The following GALNT5 variants were observed in gnomAD, a reference collection of about 807,000 sequenced individuals.
GALNT5 encodes UDP-GalNAc:polypeptide N-acetylgalactosaminyltransferase 5.
In GALNT5, 72 loss-of-function variants were observed where a neutral mutation model predicts 85.4. The observed-to-expected ratio is 0.84, with a 90% CI of 0.70 to 1.03. The LOEUF (loss-of-function observed/expected upper bound fraction) is 1.03, where lower values mean the gene tolerates loss of function less well. Among genes scored for constraint, GALNT5 ranks in the 50% least tolerant of loss-of-function variants. The pLI, the probability that GALNT5 is intolerant of heterozygous loss-of-function variation, is 0.00. For synonymous variants in GALNT5, 404 were observed against 397.0 expected, an observed-to-expected ratio of 1.02 and a Z score of -0.21; for missense variants, 1,137 against 1,135.5, an observed-to-expected ratio of 1.00 and a Z score of -0.02.
At position 157,317,191 on chromosome 2, in the gene GALNT5, TATATA is replaced by T. The variant is rs202235758; in HGVS notation, c.*5844_*5848del. On this transcript the variant is annotated 3_prime_UTR_variant, in exon 10 of 10. Coordinates refer to ENST00000259056, the MANE Select transcript of GALNT5 (RefSeq NM_014568.3). Reference sequence around the variant, plus strand: ...ATGTGTGTGTATATATATATATATATATATATATTTTTTTTTTTGATGCTTTGATC... The same window carrying T: ...ATGTGTGTGTATATATATATATATATTATTTTTTTTTTTGATGCTTTGATC... 9.7e-3 allele frequency among the ~76,000 whole-genome samples: 1,364 copies of T among 140,874 alleles called. 20 individuals carry two copies. Among genetic ancestry groups the T allele is most frequent in the African/African-American group, 0.034 (1,275 of 37,386 alleles). 92.4% of individuals were successfully genotyped at this position (140,874 alleles called of 152,430 possible).
At chr2:157,286,245 AC>A in intron 3 of GALNT5, 111 bp downstream of exon 3, 2 of 781,352 alleles carry the variant, frequency 2.6e-6, no homozygotes, top group Non-Finnish European at 4.2e-6. Context: ...TATATGCATC[AC>A]TTAGTTCCAT....
intron 3 of GALNT5, among the ~76,000 whole-genome samples, chr2:157,288,906 G>T (rs141866103): frequency 6.6e-6 from 1 of 152,096 alleles, no homozygotes; most frequent in Non-Finnish European, 1.5e-5. Flanking sequence ...AGGACTTGCC[G>T]TCAGATAAGA....
At chr2:157,268,931 T>C (rs1247659158) in intron 1 of GALNT5, among the ~76,000 whole-genome samples, 4 of 152,188 alleles carry the variant, frequency 2.6e-5, no homozygotes, top group South Asian at 2.1e-4. Context: ...CCTAGAAATA[T>C]CTGGCATTCA....
intron 1 of GALNT5, among the ~76,000 whole-genome samples, chr2:157,277,301 T>C (rs1363860670): frequency 1.3e-5 from 2 of 152,186 alleles, no homozygotes; most frequent in Non-Finnish European, 2.9e-5. Context: ...ATATTGTTGA[T>C]TTGGGGTGGA....
In GALNT5 at chr2:157,258,009, T is replaced by G; in HGVS notation, c.-74T>G. 6.6e-7 allele frequency: 1 copy of G among 1,525,976 alleles called. No individual in the cohort carries two copies. The highest frequency in any genetic ancestry group is 9.0e-7 in the Non-Finnish European group (1 of 1,111,934). 94.5% of individuals were successfully genotyped at this position (1,525,976 alleles called of 1,614,324 possible). A position where few individuals can be genotyped will look rare whatever the true frequency, so the allele number is the denominator to read the frequency against. ...ACTCTGCTGCTGCTGCTGCTGCTGC[T>G]GCTACTTCAGCTTCCTCTCCACTCA... is the stretch of plus-strand genomic sequence containing the variant. On this transcript the variant is annotated 5_prime_UTR_variant, in exon 1 of 10. Coordinates refer to ENST00000259056, the MANE Select transcript of GALNT5 (RefSeq NM_014568.3).
chr2:157,298,117 G>T (rs943691986), intron 5 of GALNT5, among the ~76,000 whole-genome samples: 1 of 152,180 alleles, frequency 6.6e-6, no homozygotes, highest in African/African-American at 2.4e-5. Flanking sequence ...TGAGGCAGGA[G>T]AATAGGGTCT....
At chr2:157,295,622 A>G (rs1020462472) in intron 3 of GALNT5, 41 bp from the exon 4 acceptor site, 2 of 1,549,776 alleles carry the variant, frequency 1.3e-6, no homozygotes, top group Admixed American at 1.7e-5. Context: ...CATTCAATAT[A>G]TCGTATTTTC....
chr2:157,285,218 G>A (rs1029070060), intron 2 of GALNT5, among the ~76,000 whole-genome samples: 1 of 152,196 alleles, frequency 6.6e-6, no homozygotes, highest in Non-Finnish European at 1.5e-5. Flanking sequence ...TAATCACACT[G>A]AGCTCAAGAA....
chr2:157,288,298 G>C (rs1420285939), intron 3 of GALNT5, among the ~76,000 whole-genome samples: 1 of 152,190 alleles, frequency 6.6e-6, no homozygotes, highest in Non-Finnish European at 1.5e-5. Context: ...ACCAAAATTG[G>C]CATTGCAGTG....
At chr2:157,303,916 G>A (rs1470844356) in intron 7 of GALNT5, among the ~76,000 whole-genome samples, 2 of 152,150 alleles carry the variant, frequency 1.3e-5, no homozygotes, top group African/African-American at 2.4e-5. Context: ...GCACATTTGA[G>A]AAACATTTGT....
Position 157,312,790 on chromosome 2 carries a change from A to G in GALNT5, c.*1442A>G, listed in dbSNP as rs1683603581. 1 of 152,184 alleles carries G rather than the reference A, an allele frequency of 6.6e-6. No individual in the cohort carries two copies. The highest frequency in any genetic ancestry group is 1.5e-5 in the Non-Finnish European group (1 of 68,020). 9.4% of individuals were successfully genotyped at this position (152,184 alleles called of 1,614,324 possible). A position where few individuals can be genotyped will look rare whatever the true frequency, so the allele number is the denominator to read the frequency against. On this transcript the variant is annotated 3_prime_UTR_variant, in exon 10 of 10. Transcript: ENST00000259056. ...ACTGGCCCGAACAAATCTGCTTCAC[A>G]GAATTCCTTAGAAAGAGATACACAA...
In GALNT5 at chr2:157,258,092, A is replaced by T; in HGVS notation, c.10A>T (p.Ile4Phe). Reference sequence around the variant, plus strand: ...GGGAAAGCTTTGTACCATGAACAGGATCCGAAAGTTTTTCCGAGGAAGTGG... The same window carrying T: ...GGGAAAGCTTTGTACCATGAACAGGTTCCGAAAGTTTTTCCGAGGAAGTGG... Reference protein sequence around the residue: MNRIRKFFRGSGRV... With the variant: MNRFRKFFRGSGRV... The change falls in exon 1 of 10, where the codon ATC becomes TTC. Residue 4 changes from isoleucine (I) to phenylalanine (F), a missense_variant. Physicochemically the swap from Ile to Phe is conservative, Grantham distance 21 (BLOSUM62 0). Coordinates refer to ENST00000259056, the MANE Select transcript of GALNT5 (RefSeq NM_014568.3). 5 of 1,613,638 alleles carry T rather than the reference A, an allele frequency of 3.1e-6. No individual in the cohort carries two copies. The highest frequency in any genetic ancestry group is 1.1e-5 in the South Asian group (1 of 91,066).
intron 3 of GALNT5, among the ~76,000 whole-genome samples, chr2:157,292,911 C>T (rs1303124415): frequency 6.6e-6 from 1 of 152,122 alleles, no homozygotes; most frequent in Non-Finnish European, 1.5e-5. Context: ...ACCATGTTGG[C>T]CAGGATGGCC....
chr2:157,277,757 C>T (rs755835428), intron 1 of GALNT5, among the ~76,000 whole-genome samples: 1 of 152,124 alleles, frequency 6.6e-6, no homozygotes, highest in Admixed American at 6.6e-5. Context: ...CACACTGATG[C>T]GTCTTGACTG....
chr2:157,260,926 G>C (rs1303886670), intron 1 of GALNT5, among the ~76,000 whole-genome samples: 1 of 152,174 alleles, frequency 6.6e-6, no homozygotes, highest in Non-Finnish European at 1.5e-5. Flanking sequence ...TCAAAGATGA[G>C]GAAACTGAGG....
In GALNT5 at chr2:157,259,067, G is replaced by C; in HGVS notation, c.985G>C (p.Glu329Gln). 1 of 1,474,206 alleles carries C rather than the reference G, an allele frequency of 6.8e-7. No individual in the cohort carries two copies. Among genetic ancestry groups the C allele is most frequent in the Admixed American group, 2.4e-5 (1 of 42,344 alleles). The allele number at this position is 1,474,206 out of a possible 1,614,324, so 91.3% of individuals were successfully genotyped here. ...ESHLVIITKE[E>Q]EQKADPKEVS... Reference sequence around the variant, plus strand: ...CCATCTTGTGATTATAACCAAAGAGGAAGAGCAAAAGGCAGACCCCAAAGA... The same window carrying C: ...CCATCTTGTGATTATAACCAAAGAGCAAGAGCAAAAGGCAGACCCCAAAGA... The change falls in exon 1 of 10, where the codon GAA (glutamate) becomes CAA (glutamine). Residue 329 changes from glutamate (E) to glutamine (Q), a missense_variant. By Grantham distance (29) the Glu-to-Gln change is conservative (BLOSUM62 2). Transcript: ENST00000259056.
At chr2:157,267,957 G>A (rs1682492925) in intron 1 of GALNT5, among the ~76,000 whole-genome samples, 1 of 152,134 alleles carries the variant, frequency 6.6e-6, no homozygotes, top group African/African-American at 2.4e-5. Flanking sequence ...TCTAAGGTCT[G>A]GGAGAAAAGA....
rs1683198446 is a variant in GALNT5 at position 157,295,700 on chromosome 2, T to C, written c.1779T>C (p.Cys593=). 6.2e-7 allele frequency: 1 copy of C among 1,613,180 alleles called. No individual in the cohort carries two copies. The highest frequency in any genetic ancestry group is 8.5e-7 in the Non-Finnish European group (1 of 1,179,244). ...VLTFLDSHVE[C]NVGWLEPLLE... ...CATTTTTAGATTCTCATGTGGAATG[T>C]AACGTTGGTTGGTTGGAACCTCTTC... is the stretch of plus-strand genomic sequence containing the variant. Residue 593 remains cysteine (C), a synonymous_variant, in exon 4 of 10, where the codon TGT becomes TGC. Transcript: ENST00000259056.
intron 9 of GALNT5, among the ~76,000 whole-genome samples, chr2:157,309,115 C>T (rs1398749012): frequency 6.6e-6 from 1 of 152,086 alleles, no homozygotes; most frequent in Non-Finnish European, 1.5e-5. Context: ...CCTACAAGTC[C>T]TGCACTTTAG....
Sources: allele counts gnomAD v4.1 joint callset (sites outside exome capture counted in the v4.1 genomes callset), GRCh38; gene constraint gnomAD v4.1.1; transcripts MANE v1.5; gene names NCBI Gene and HGNC (gene_info 2026-07-23, HGNC 2026-07-21).